NUP155: variants seen among roughly 807,000 people sequenced by gnomAD.
The protein encoded by NUP155 is nucleoporin 155.
A neutral mutation model predicts 180.4 loss-of-function variants in NUP155; 71 were observed. The ratio of observed to expected loss-of-function variants is 0.39; its 90% CI spans 0.33 to 0.48. The LOEUF is 0.48. Among genes scored for constraint, NUP155 ranks in the 20% least tolerant of loss-of-function variants. The pLI is 0.91. For synonymous variants in NUP155, 582 were observed against 559.5 expected (o/e 1.04, Z -0.57); for missense variants, 1,553 against 1,648.9 (o/e 0.94, Z 1.01).
intron 25 of NUP155, among the ~76,000 whole-genome samples, chr5:37,305,733 G>T (rs1226099395): frequency 6.6e-6 from 1 of 151,664 alleles, no homozygotes; most frequent in African/African-American, 2.4e-5. Flanking sequence ...TTAACCAGGC[G>T]TGGCGGTGTG....
intron 12 of NUP155, among the ~76,000 whole-genome samples, chr5:37,334,941 C>T (rs567349475): frequency 6.6e-6 from 1 of 151,972 alleles, no homozygotes; most frequent in East Asian, 1.9e-4. Flanking sequence ...GGGCGGTACC[C>T]GAGGTCAGGA....
intron 3 of NUP155, among the ~76,000 whole-genome samples, chr5:37,362,093 A>T (rs1370330765): frequency 6.6e-6 from 1 of 152,166 alleles, no homozygotes; most frequent in Non-Finnish European, 1.5e-5. Flanking sequence ...TGTTGATCAC[A>T]GGCTATGGTA....
chr5:37,325,819 A>G lies in NUP155; in HGVS notation c.2091+82T>C, dbSNP rs1744566639. ...ACCTTTGCCATCTTATTTGTGTAAT[A>G]TCAGGAAATGTGAAACAATCTAACC... is the stretch of plus-strand genomic sequence containing the variant. On this transcript the variant is annotated intron_variant, in intron 19 of 34. Transcript: ENST00000231498. The G allele has an allele frequency of 4.7e-6, 4 of 853,304 alleles. No homozygotes were observed. The South Asian group carries it at 5.8e-5, about 12-fold the overall frequency. The allele number at this position is 853,304 out of a possible 1,614,324, so 52.9% of individuals were successfully genotyped here. A position where few individuals can be genotyped will look rare whatever the true frequency, so the allele number is the denominator to read the frequency against.
In NUP155 at chr5:37,293,722, G is replaced by A. The variant is rs541934577; in HGVS notation, c.3930+607C>T. On this transcript the variant is annotated intron_variant, in intron 33 of 34. Transcript: ENST00000231498. ...TTAAAGCAAATGATGATTCTTGGCC[G>A]GGCGCGGTGGCTCACGCCTGTAATC... is the stretch of plus-strand genomic sequence containing the variant. Among the ~76,000 whole-genome samples, 5 of 77,432 alleles carry A rather than the reference G, an allele frequency of 6.5e-5. No homozygotes were observed. The East Asian group carries it at 1.0e-3, about 16-fold the overall frequency. 50.8% of individuals were successfully genotyped at this position (77,432 alleles called of 152,430 possible).
intron 1 of NUP155, among the ~76,000 whole-genome samples, chr5:37,366,262 A>C (rs960268338): frequency 6.6e-6 from 1 of 152,182 alleles, no homozygotes; most frequent in Non-Finnish European, 1.5e-5. Context: ...TCTATAGAGT[A>C]CAAAGATGTT....
chr5:37,328,414 G>T lies in NUP155; in HGVS notation c.1820C>A (p.Pro607His). 1.3e-6 allele frequency: 2 copies of T among 1,597,998 alleles called. 1 individual carries two copies. The highest frequency in any genetic ancestry group is 1.7e-6 in the Non-Finnish European group (2 of 1,165,478). Residue 607 changes from proline to histidine, a missense_variant, in exon 17 of 35, where the codon CCT becomes CAT. Physicochemically the swap from Pro to His is moderately conservative, Grantham distance 77 (BLOSUM62 -2). Transcript: ENST00000231498. ...ILGSPVYSSS[P>H]VPSGSPYPNP... ...TGGATAGGGACTACCACTAGGAACA[G>T]GAGAACCTAAAAAGGGAAAGAAGAA...
In NUP155 at chr5:37,304,721, C is replaced by A; in HGVS notation, c.3162+18G>T. ...TCCTTAAGAATAATTAACACAACTG[C>A]AATAAAAAAAGATTTACCTGTAGCA... On this transcript the variant is annotated intron_variant, in intron 27 of 34. Transcript: ENST00000231498. The A allele has an allele frequency of 6.7e-7, 1 of 1,485,190 alleles. No homozygotes were observed. The allele number at this position is 1,485,190 out of a possible 1,614,324, so 92.0% of individuals were successfully genotyped here.
intron 22 of NUP155, among the ~76,000 whole-genome samples, chr5:37,313,857 G>A (rs1054127328): frequency 6.6e-6 from 1 of 152,088 alleles, no homozygotes; most frequent in African/African-American, 2.4e-5. Context: ...AAAAGTCTGT[G>A]TGTCCATGTC....
At chr5:37,361,265 C>CAAAA (rs35489900) in intron 3 of NUP155, among the ~76,000 whole-genome samples, 22 of 77,994 alleles carry the variant, frequency 2.8e-4, no homozygotes, top group African/African-American at 1.1e-3. Flanking sequence ...GACTCTGTCT[C>CAAAA]AAAAAAAAAA....
chr5:37,326,311 G>C (rs545322695), intron 18 of NUP155, among the ~76,000 whole-genome samples: 1 of 152,246 alleles, frequency 6.6e-6, no homozygotes, highest in East Asian at 1.9e-4. Flanking sequence ...ATATATATTA[G>C]GCATGATAGC....
At chr5:37,369,985 A>AG (rs1747853758) in intron 1 of NUP155, among the ~76,000 whole-genome samples, 2 of 152,216 alleles carry the variant, frequency 1.3e-5, no homozygotes, top group Admixed American at 1.3e-4. Context: ...CCTGTACATA[A>AG]GCACTGTGAT....
At chr5:37,331,341 G>A (rs932989332) in intron 14 of NUP155, among the ~76,000 whole-genome samples, 5 of 152,282 alleles carry the variant, frequency 3.3e-5, no homozygotes, top group South Asian at 2.1e-4. Context: ...TTAGGAGGCC[G>A]AGGTGGGCGG....
At chr5:37,340,954 C>T in intron 11 of NUP155, 136 bp downstream of exon 11, 3 of 720,580 alleles carry the variant, frequency 4.2e-6, no homozygotes, top group Non-Finnish European at 7.0e-6. Flanking sequence ...ACCCTTGCTC[C>T]CCTACTTCCC....
intron 11 of NUP155, among the ~76,000 whole-genome samples, chr5:37,340,086 C>T (rs1745611930): frequency 6.6e-6 from 1 of 151,546 alleles, no homozygotes; most frequent in Admixed American, 6.6e-5. Flanking sequence ...CAGAAATTAA[C>T]AAGGTGATTC....
At chr5:37,306,425 A>G (rs1179933153) in intron 25 of NUP155, among the ~76,000 whole-genome samples, 1 of 151,818 alleles carries the variant, frequency 6.6e-6, no homozygotes, top group Non-Finnish European at 1.5e-5. Flanking sequence ...AAACAAAAAC[A>G]AAACAAAACA....
intron 18 of NUP155, among the ~76,000 whole-genome samples, chr5:37,327,355 A>G (rs894942374): frequency 7.9e-5 from 12 of 152,356 alleles, no homozygotes; most frequent in African/African-American, 2.9e-4. Flanking sequence ...AGGTTGAGGA[A>G]TGGTGGTTGG....
Position 37,358,130 on chromosome 5 carries a change from A to G in NUP155, c.414T>C (p.Asp138=), listed in dbSNP as rs755525940. The part of the protein sequence containing the change: ...YEDGGDLAYF[D]GLSETILAVG... ...CAGCAAGAATAGTCTCACTAAGTCC[A>G]TCAAAATAGGCAAGGTCTCCTCTGT... Residue 138 remains aspartate (D), a synonymous_variant, in exon 4 of 35, where the codon GAT becomes GAC. Coordinates refer to ENST00000231498, the MANE Select transcript of NUP155 (RefSeq NM_153485.3). 7 of 1,613,138 alleles carry G rather than the reference A, an allele frequency of 4.3e-6. No homozygotes were observed. The African/African-American group carries it at 5.3e-5, about 12-fold the overall frequency.
chr5:37,344,470 G>T (rs535819130), intron 9 of NUP155, among the ~76,000 whole-genome samples: 5 of 149,160 alleles, frequency 3.4e-5, no homozygotes, highest in African/African-American at 1.2e-4. Context: ...TAATTATCCT[G>T]CCCTTCCTTC....
chr5:37,313,315 C>A (rs1743641619), intron 22 of NUP155, among the ~76,000 whole-genome samples: 2 of 151,798 alleles, frequency 1.3e-5, no homozygotes, highest in Admixed American at 1.3e-4. Context: ...CCTGTAATCC[C>A]AGCTACTCAG....
Sources: gnomAD v4.1 joint callset for allele counts (sites outside exome capture counted in the v4.1 genomes callset) on GRCh38, gnomAD v4.1.1 for gene constraint, MANE v1.5 for transcripts, NCBI Gene and HGNC (gene_info 2026-07-23, HGNC 2026-07-21) for gene names.